SOX6: variants seen among roughly 807,000 people sequenced by gnomAD.
The protein encoded by SOX6 is SRY-box transcription factor 6.
Under a neutral mutation model 97.8 loss-of-function variants are expected in SOX6, and 11 were observed. That is an observed-to-expected ratio of 0.11 (90% CI 0.07 to 0.19). The LOEUF (loss-of-function observed/expected upper bound fraction) is 0.19, where lower values mean the gene tolerates loss of function less well. SOX6 is among the 10% of genes least tolerant of loss of function. The pLI is 1.00. For synonymous variants in SOX6, 360 were observed against 371.4 expected (o/e 0.97, Z 0.35); for missense variants, 810 against 1,039.5 (o/e 0.78, Z 3.04).
At chr11:15,987,158 GT>G (rs775359274) in intron 14 of SOX6, among the ~76,000 whole-genome samples, 1 of 152,088 alleles carries the variant, frequency 6.6e-6, no homozygotes, top group African/African-American at 2.4e-5. Flanking sequence ...GAGGGGATGT[GT>G]TTTTTTACAT....
chr11:16,590,225 T>A (rs931696634), intron 4 of SOX6, among the ~76,000 whole-genome samples: 1 of 152,202 alleles, frequency 6.6e-6, no homozygotes, highest in African/African-American at 2.4e-5. Flanking sequence ...GCTTTTCAGA[T>A]GAATGAATGT....
At chr11:16,730,190 G>T (rs1848338857) in intron 2 of SOX6, among the ~76,000 whole-genome samples, 1 of 151,998 alleles carries the variant, frequency 6.6e-6, no homozygotes, top group Admixed American at 6.6e-5. Flanking sequence ...AGATCAACAA[G>T]ACAGAAAATT....
intron 6 of SOX6, among the ~76,000 whole-genome samples, chr11:16,164,542 G>GT (rs1194797379): frequency 2.6e-5 from 4 of 152,098 alleles, no homozygotes; most frequent in Non-Finnish European, 5.9e-5. Flanking sequence ...TCATGGAGAG[G>GT]GCCGGGCACA....
At chr11:16,711,499 G>T (rs1376701325) in intron 3 of SOX6, among the ~76,000 whole-genome samples, 3 of 152,178 alleles carry the variant, frequency 2.0e-5, no homozygotes, top group African/African-American at 4.8e-5. Context: ...CTCCAGCCTG[G>T]ACGACAGAAG....
intron 4 of SOX6, among the ~76,000 whole-genome samples, chr11:16,586,748 T>C (rs976400693): frequency 1.3e-5 from 2 of 151,924 alleles, no homozygotes; most frequent in Admixed American, 1.3e-4. Flanking sequence ...AAAAAGATAA[T>C]GGGTTATCAA....
intron 4 of SOX6, among the ~76,000 whole-genome samples, chr11:16,547,472 TGAAA>T (rs1200981736): frequency 3.3e-5 from 5 of 151,958 alleles, no homozygotes; most frequent in African/African-American, 4.8e-5. Context: ...TAAAAAAGAA[TGAAA>T]TCATGTCATT....
intron 9 of SOX6, among the ~76,000 whole-genome samples, chr11:16,089,792 C>T (rs751108754): frequency 1.5e-4 from 23 of 151,990 alleles, no homozygotes; most frequent in Non-Finnish European, 2.8e-4. Context: ...CCTGTTCTGC[C>T]TATTCTGTTA....
chr11:16,271,162 G>T (rs1281352510), intron 3 of SOX6, among the ~76,000 whole-genome samples: 1 of 150,864 alleles, frequency 6.6e-6, no homozygotes, highest in South Asian at 2.1e-4. Flanking sequence ...TTTTTCCTTA[G>T]ATCCATAAAT....
intron 3 of SOX6, among the ~76,000 whole-genome samples, chr11:16,268,634 C>T (rs1436897781): frequency 6.6e-6 from 1 of 151,084 alleles, no homozygotes; most frequent in Admixed American, 6.6e-5. Context: ...TAATTCAACA[C>T]CCCTTTCTTA....
chr11:16,667,201 C>T (rs1847813638), intron 3 of SOX6, among the ~76,000 whole-genome samples: 1 of 152,154 alleles, frequency 6.6e-6, no homozygotes, highest in South Asian at 2.1e-4. Context: ...GATCACACCA[C>T]TGCTTTCCAG....
At chr11:16,060,300 G>A (rs1338537477) in intron 9 of SOX6, among the ~76,000 whole-genome samples, 5 of 151,958 alleles carry the variant, frequency 3.3e-5, no homozygotes, top group African/African-American at 1.2e-4. Flanking sequence ...GAAGTGGGTT[G>A]TACCTAAGGA....
At chr11:16,582,656 AC>A (rs1488311671) in intron 4 of SOX6, among the ~76,000 whole-genome samples, 2 of 152,252 alleles carry the variant, frequency 1.3e-5, no homozygotes, top group African/African-American at 4.8e-5. Context: ...AACCACAGAT[AC>A]AAAAAAGAAG....
intron 1 of SOX6, among the ~76,000 whole-genome samples, chr11:16,368,761 T>C (rs1298703397): frequency 6.6e-6 from 1 of 152,034 alleles, no homozygotes; most frequent in Non-Finnish European, 1.5e-5. Flanking sequence ...CTTTTGTGCA[T>C]CAAAGTAAAC....
intron 13 of SOX6, among the ~76,000 whole-genome samples, chr11:15,993,916 G>A (rs1184719441): frequency 6.6e-6 from 1 of 152,174 alleles, no homozygotes; most frequent in Non-Finnish European, 1.5e-5. Flanking sequence ...TAAATTCCAA[G>A]GGATATCAGA....
At chr11:16,125,678 C>T (rs1167486673) in intron 6 of SOX6, among the ~76,000 whole-genome samples, 1 of 151,970 alleles carries the variant, frequency 6.6e-6, no homozygotes, top group African/African-American at 2.4e-5. Flanking sequence ...AGTGCAATCA[C>T]AGCTGAAAAA....
chr11:16,572,212 T>G (rs958784740), intron 4 of SOX6, among the ~76,000 whole-genome samples: 1 of 152,154 alleles, frequency 6.6e-6, no homozygotes, highest in African/African-American at 2.4e-5. Flanking sequence ...TGAGAAGATA[T>G]GCATTTTAAC....
chr11:16,730,517 G>A (rs2134059633), intron 2 of SOX6, among the ~76,000 whole-genome samples: 1 of 152,202 alleles, frequency 6.6e-6, no homozygotes, highest in East Asian at 1.9e-4. Context: ...ACGAAATTAA[G>A]GGAAAAATAA....
chr11:16,650,373 A>G, intron 3 of SOX6, among the ~76,000 whole-genome samples: 1 of 152,094 alleles, frequency 6.6e-6, no homozygotes, highest in East Asian at 1.9e-4. Flanking sequence ...AGACCAAATG[A>G]CAGGTCACAA....
intron 1 of SOX6, among the ~76,000 whole-genome samples, chr11:16,453,198 T>C (rs574232517): frequency 3.0e-4 from 45 of 152,310 alleles, no homozygotes; most frequent in African/African-American, 1.0e-3. Context: ...TTTTTGCCTT[T>C]TTCTAAAATA....
Sources: allele counts gnomAD v4.1 joint callset (sites outside exome capture counted in the v4.1 genomes callset), GRCh38; gene constraint gnomAD v4.1.1; transcripts MANE v1.5; gene names NCBI Gene and HGNC (gene_info 2026-07-23, HGNC 2026-07-21).